Variants in GFRA2 observed in about 807,000 individuals in gnomAD.
GFRA2 encodes GDNF family receptor alpha-2.
In GFRA2, 17 loss-of-function variants were observed where a neutral mutation model predicts 48.3. The observed-to-expected ratio is 0.35, with a 90% CI of 0.24 to 0.53. GFRA2 has a LOEUF of 0.53. Ranked by LOEUF, GFRA2 falls within the 20% of genes least tolerant of loss-of-function variation. GFRA2 has a pLI of 0.93. For synonymous variants in GFRA2, 305 were observed against 257.2 expected (o/e 1.19, Z -1.78); for missense variants, 660 against 637.3 (o/e 1.04, Z -0.38).
At chr8:21,711,009 G>A (rs994653418) in intron 4 of GFRA2, among the ~76,000 whole-genome samples, 1 of 152,204 alleles carries the variant, frequency 6.6e-6, no homozygotes, top group Non-Finnish European at 1.5e-5. Flanking sequence ...CAGAGACCAC[G>A]TGGTATAATT....
intron 2 of GFRA2, among the ~76,000 whole-genome samples, chr8:21,775,987 CTCTGTGTGTG>C (rs1806676405): frequency 7.9e-6 from 1 of 126,580 alleles, no homozygotes; most frequent in Non-Finnish European, 1.6e-5. Flanking sequence ...ACCACTCATC[CTCTGTGTGTG>C]TGTGTGTGTG....
intron 4 of GFRA2, among the ~76,000 whole-genome samples, chr8:21,730,762 G>A (rs1204646413): frequency 6.6e-6 from 1 of 152,138 alleles, no homozygotes; most frequent in Non-Finnish European, 1.5e-5. Flanking sequence ...ACCTCCCAGG[G>A]CAGCACGTGC....
intron 1 of GFRA2, 152 bp from the exon 2 acceptor site, chr8:21,783,051 C>T (rs1006843957): frequency 1.9e-5 from 14 of 754,086 alleles, no homozygotes; most frequent in Non-Finnish European, 2.8e-5. Flanking sequence ...CCTCCTCATA[C>T]CCCAGGGAGA....
At chr8:21,791,316 G>T (rs999212629), upstream of GFRA2, among the ~76,000 whole-genome samples, 1 of 151,970 alleles carries the variant, frequency 6.6e-6, no homozygotes, top group African/African-American at 2.4e-5. Context: ...GCCCTTCTGC[G>T]ACCCAAGACC....
At chr8:21,795,801 C>T (rs372077298) in intron 2 of GFRA2, among the ~76,000 whole-genome samples, 3,472 of 152,306 alleles carry the variant, frequency 0.023, 108 homozygotes, top group African/African-American at 0.066. Context: ...CCAATTCCAA[C>T]TTGGCCTCTC....
chr8:21,732,853 C>T (rs990133123), intron 4 of GFRA2, among the ~76,000 whole-genome samples: 1 of 152,212 alleles, frequency 6.6e-6, no homozygotes, highest in African/African-American at 2.4e-5. Context: ...CTACAAAGAG[C>T]TGAGGAATGG....
chr8:21,795,803 T>G (rs1406482227), intron 2 of GFRA2, among the ~76,000 whole-genome samples: 1 of 152,190 alleles, frequency 6.6e-6, no homozygotes, highest in Non-Finnish European at 1.5e-5. Context: ...AATTCCAACT[T>G]GGCCTCTCTC....
In GFRA2 at chr8:21,774,832, C is replaced by A. The variant is rs548474575; in HGVS notation, c.439+140G>T. ...GTTCTTTACAGAGGAGGAACTGAGG[C>A]TCAGAACCGTTGAGGGACGAGCTGA... On this transcript the variant is annotated intron_variant, in intron 3 of 8. Transcript: ENST00000524240. 2.3e-3 allele frequency: 1,408 copies of A among 621,032 alleles called. 32 individuals are homozygous for A. In the South Asian group the frequency reaches 0.027, roughly 12 times the overall value. The allele number at this position is 621,032 out of a possible 1,614,324, so 38.5% of individuals were successfully genotyped here. A position where few individuals can be genotyped will look rare whatever the true frequency, so the allele number is the denominator to read the frequency against.
rs1182325522 is a variant in GFRA2, at chr8:21,782,674, G to A, written c.266C>T (p.Pro89Leu). The A allele has an allele frequency of 7.6e-6, 12 of 1,588,008 alleles. No homozygotes were observed. Among genetic ancestry groups the A allele is most frequent in the South Asian group, 5.7e-5 (5 of 87,050 alleles). The stretch of plus-strand genomic sequence containing the variant: ...CCGCTTGCAGCGGCAGTCGTACAGC[G>A]GGCTCTCCTGCAAGACCTCCAAGGC... ...QAALEVLQES[P>L]LYDCRCKRGM... The change falls in exon 2 of 9, where the codon CCG becomes CTG. Residue 89 changes from proline to leucine, a missense_variant. Transcript: ENST00000524240.
At chr8:21,767,909 C>A (rs2117676917) in intron 3 of GFRA2, among the ~76,000 whole-genome samples, 1 of 152,322 alleles carries the variant, frequency 6.6e-6, no homozygotes, top group Non-Finnish European at 1.5e-5. Context: ...ACCTTAGTGC[C>A]AGCAAATCCT....
intron 3 of GFRA2, among the ~76,000 whole-genome samples, chr8:21,751,625 A>T (rs141624835): frequency 6.6e-6 from 1 of 152,148 alleles, no homozygotes; most frequent in East Asian, 1.9e-4. Context: ...CCACCCTACA[A>T]ATGCTTTCCA....
At chr8:21,716,317 A>C (rs930484113) in intron 4 of GFRA2, among the ~76,000 whole-genome samples, 3 of 151,604 alleles carry the variant, frequency 2.0e-5, no homozygotes, top group African/African-American at 7.3e-5. Context: ...AGAAAAAAAA[A>C]AAAAGACAGA....
chr8:21,788,801 C>T lies in GFRA2; in HGVS notation c.-642G>A. Reference sequence around the variant, plus strand: ...TCCAGTGACCGTGTGTCTCTGCGTGCGTGTGTCTTTCTCTCTCCTCTCTCT... The same window carrying T: ...TCCAGTGACCGTGTGTCTCTGCGTGTGTGTGTCTTTCTCTCTCCTCTCTCT... On this transcript the variant is annotated 5_prime_UTR_variant, in exon 1 of 9. Coordinates refer to ENST00000524240, the MANE Select transcript of GFRA2 (RefSeq NM_001495.5). 5 of 985,342 alleles carry T rather than the reference C, an allele frequency of 5.1e-6. No homozygotes were observed. The highest frequency in any genetic ancestry group is 6.0e-6 in the Non-Finnish European group (5 of 829,886). 61.0% of individuals were successfully genotyped at this position (985,342 alleles called of 1,614,324 possible). A position where few individuals can be genotyped will look rare whatever the true frequency, so the allele number is the denominator to read the frequency against.
Position 21,767,084 on chromosome 8 carries a change from A to G in GFRA2, c.439+7888T>C, listed in dbSNP as rs370613547. On this transcript the variant is annotated intron_variant, in intron 3 of 8. Transcript: ENST00000524240. ...TCACAGGCACCCCATACACTATCTC[A>G]CACACACCCCACACACACCACCATA... is the stretch of plus-strand genomic sequence containing the variant. Among the ~76,000 whole-genome samples, 26 of 149,320 alleles carry G rather than the reference A, an allele frequency of 1.7e-4. No individual in the cohort carries two copies. In the East Asian group the frequency reaches 5.2e-3, roughly 30 times the overall value.
intron 3 of GFRA2, among the ~76,000 whole-genome samples, 165 bp downstream of exon 3, chr8:21,774,807 G>A (rs1398599791): frequency 1.3e-5 from 2 of 152,198 alleles, no homozygotes; most frequent in East Asian, 1.9e-4. Flanking sequence ...TGGGCATCGT[G>A]TTCTTTACAG....
chr8:21,778,234 C>G (rs1585332008), intron 2 of GFRA2, among the ~76,000 whole-genome samples: 3 of 152,108 alleles, frequency 2.0e-5, no homozygotes, highest in African/African-American at 4.8e-5. Context: ...GGACTCGCAG[C>G]CTCCCTCAGG....
intron 7 of GFRA2, among the ~76,000 whole-genome samples, chr8:21,696,977 G>A (rs1802215226): frequency 7.5e-6 from 1 of 133,078 alleles, no homozygotes; most frequent in African/African-American, 2.9e-5. Context: ...AAGGGACAAA[G>A]GAGAGGGCAG....
intron 7 of GFRA2, among the ~76,000 whole-genome samples, chr8:21,699,156 T>G (rs907896683): frequency 6.6e-6 from 1 of 152,214 alleles, no homozygotes; most frequent in Admixed American, 6.5e-5. Flanking sequence ...TGTAGTGACG[T>G]GCAGTAAGAA....
chr8:21,702,717 C>A, intron 7 of GFRA2, 88 bp downstream of exon 7: 1 of 1,313,754 alleles, frequency 7.6e-7, no homozygotes, highest in Non-Finnish European at 1.0e-6. Flanking sequence ...AAAGGGAGGA[C>A]CCTCCCTCCC....
Sources: gnomAD v4.1 joint callset for allele counts (sites outside exome capture counted in the v4.1 genomes callset) on GRCh38, gnomAD v4.1.1 for gene constraint, MANE v1.5 for transcripts, NCBI Gene and HGNC (gene_info 2026-07-23, HGNC 2026-07-21) for gene names.